FOXP2: variants seen among roughly 807,000 people sequenced by gnomAD.
FOXP2 encodes forkhead box P2.
Under a neutral mutation model 115.8 loss-of-function variants are expected in FOXP2, and 12 were observed. That is an observed-to-expected ratio of 0.10 (90% confidence interval 0.07 to 0.17). The LOEUF (loss-of-function observed/expected upper bound fraction) is 0.17. Among genes scored for constraint, FOXP2 ranks in the 10% least tolerant of loss-of-function variants. The probability of loss-of-function intolerance (pLI) is 1.00; values close to 1 mark genes in which losing one functional copy is unlikely to be tolerated. For synonymous variants in FOXP2, 328 were observed against 297.7 expected, an observed-to-expected ratio of 1.10 and a Z score of -1.05; for missense variants, 629 against 843.5, an observed-to-expected ratio of 0.75 and a Z score of 3.15.
Position 114,249,375 on chromosome 7 carries a change from C to T in FOXP2, c.-101-38644C>T, listed in dbSNP as rs1795375065. Among the ~76,000 whole-genome samples, 7 of 152,190 alleles carry T rather than the reference C, an allele frequency of 4.6e-5. No homozygotes were observed. The South Asian group carries it at 1.5e-3, about 32-fold the overall frequency. On this transcript the variant is annotated intron_variant, in intron 1 of 17. Transcript: ENST00000634411. ...TGATGCTCTCCTTCCCCCCCGTTCC[C>T]CCCAGTAGGCCCCAATGTGTGTTGT...
At chr7:114,434,100 C>A (rs1394983670) in intron 2 of FOXP2, among the ~76,000 whole-genome samples, 2 of 151,858 alleles carry the variant, frequency 1.3e-5, no homozygotes, top group Non-Finnish European at 2.9e-5. Flanking sequence ...TTATCATATT[C>A]AGGCAGTTGT....
chr7:114,557,723 T>C (rs925711186), intron 3 of FOXP2, among the ~76,000 whole-genome samples: 3 of 152,162 alleles, frequency 2.0e-5, no homozygotes, highest in African/African-American at 7.2e-5. Context: ...AGATAAGTTA[T>C]ATTGTAGTAC....
At position 114,663,501 on chromosome 7, in the gene FOXP2, T is replaced by C; in HGVS notation, c.1821T>C (p.Ala607=). 2.5e-6 allele frequency: 4 copies of C among 1,612,382 alleles called. No homozygotes were observed. Among genetic ancestry groups the C allele is most frequent in the Non-Finnish European group, 3.4e-6 (4 of 1,179,082 alleles). Residue 607 remains alanine, a synonymous_variant, in exon 15 of 17, where the codon GCT becomes GCC. Transcript: ENST00000350908. ...CTACCAGTTTAGGCTATGGAGCAGC[T>C]CTTAATGCCAGTTTGCAGGTAATGT... ...NIPTSLGYGA[A]LNASLQAALA... is the part of the protein sequence containing the mutation.
intron 3 of FOXP2, among the ~76,000 whole-genome samples, chr7:114,602,761 T>A (rs546942905): frequency 1.8e-4 from 28 of 152,216 alleles, no homozygotes; most frequent in African/African-American, 6.0e-4. Flanking sequence ...GAAAGAAAAA[T>A]ACTTATTTGC....
chr7:114,147,095 C>T (rs904261500), intron 1 of FOXP2, among the ~76,000 whole-genome samples: 2 of 152,082 alleles, frequency 1.3e-5, no homozygotes, highest in African/African-American at 4.8e-5. Context: ...TGGAATAAGA[C>T]TTGGTATGTG....
At chr7:114,556,977 T>A (rs1800495596) in intron 3 of FOXP2, among the ~76,000 whole-genome samples, 1 of 152,222 alleles carries the variant, frequency 6.6e-6, no homozygotes, top group African/African-American at 2.4e-5. Context: ...TACTATGCTG[T>A]TTTATTCTGC....
chr7:114,339,623 C>A (rs776436102), intron 2 of FOXP2, among the ~76,000 whole-genome samples: 1 of 150,952 alleles, frequency 6.6e-6, no homozygotes, highest in Non-Finnish European at 1.5e-5. Flanking sequence ...GATAATCAAC[C>A]TGAGAGAGGT....
intron 3 of FOXP2, among the ~76,000 whole-genome samples, chr7:114,618,763 A>C (rs1804082634): frequency 6.6e-6 from 1 of 152,142 alleles, no homozygotes; most frequent in African/African-American, 2.4e-5. Flanking sequence ...TAATGTTTTT[A>C]GATATTAAGT....
At chr7:114,092,176 T>A (rs1799555650) in intron 1 of FOXP2, among the ~76,000 whole-genome samples, 1 of 152,134 alleles carries the variant, frequency 6.6e-6, no homozygotes, top group Non-Finnish European at 1.5e-5. Flanking sequence ...CAATTTGCTT[T>A]AATTTCTGTC....
At chr7:114,622,298 A>G (rs1402652623) in intron 3 of FOXP2, among the ~76,000 whole-genome samples, 2 of 151,982 alleles carry the variant, frequency 1.3e-5, no homozygotes, top group African/African-American at 4.8e-5. Flanking sequence ...ACACTTGTCA[A>G]TCAGTGAGTT....
intron 3 of FOXP2, among the ~76,000 whole-genome samples, chr7:114,537,262 A>T (rs907966140): frequency 3.3e-5 from 5 of 151,550 alleles, no homozygotes; most frequent in Non-Finnish European, 5.9e-5. Context: ...TACATTTCAA[A>T]AGGATAATTG....
chr7:114,631,844 G>A, intron 6 of FOXP2, 139 bp downstream of exon 6: 1 of 844,914 alleles, frequency 1.2e-6, no homozygotes, highest in Non-Finnish European at 1.9e-6. Flanking sequence ...TTAACATGGT[G>A]GCATGACCTA....
intron 1 of FOXP2, among the ~76,000 whole-genome samples, chr7:114,145,110 C>G (rs947936161): frequency 6.6e-6 from 1 of 152,122 alleles, no homozygotes; most frequent in Non-Finnish European, 1.5e-5. Flanking sequence ...ATTCTACCAC[C>G]TATTCTCCAT....
intron 2 of FOXP2, among the ~76,000 whole-genome samples, chr7:114,455,804 T>G (rs1019912222): frequency 1.4e-4 from 22 of 152,198 alleles, no homozygotes; most frequent in Admixed American, 1.4e-3. Flanking sequence ...AGTTTCTCAT[T>G]GTTTAGTATA....
intron 1 of FOXP2, among the ~76,000 whole-genome samples, chr7:114,232,598 G>A (rs1416153185): frequency 6.6e-6 from 1 of 152,092 alleles, no homozygotes; most frequent in African/African-American, 2.4e-5. Flanking sequence ...CGGATCACCT[G>A]AGGTCAGGAG....
chr7:114,468,024 A>G (rs1584772535), intron 2 of FOXP2, among the ~76,000 whole-genome samples: 2 of 152,142 alleles, frequency 1.3e-5, no homozygotes, highest in Admixed American at 6.6e-5. Flanking sequence ...CTTCAGCTAC[A>G]ATGTATACAT....
intron 2 of FOXP2, among the ~76,000 whole-genome samples, chr7:114,294,704 G>GA (rs1796693506): frequency 6.6e-6 from 1 of 151,960 alleles, no homozygotes; most frequent in African/African-American, 2.4e-5. Flanking sequence ...AGCTGGGCAT[G>GA]ATGGTGGACG....
intron 2 of FOXP2, among the ~76,000 whole-genome samples, chr7:114,386,921 C>G (rs141383398): frequency 6.6e-6 from 1 of 152,226 alleles, no homozygotes; most frequent in African/African-American, 2.4e-5. Flanking sequence ...CACTTAATAT[C>G]CCCCATCTGT....
At chr7:114,560,184 C>A (rs1198020974) in intron 3 of FOXP2, among the ~76,000 whole-genome samples, 1 of 152,094 alleles carries the variant, frequency 6.6e-6, no homozygotes, top group East Asian at 1.9e-4. Flanking sequence ...ATAAACTGTG[C>A]TGTGTTGCTA....
Sources: allele counts gnomAD v4.1 joint callset (sites outside exome capture counted in the v4.1 genomes callset), GRCh38; gene constraint gnomAD v4.1.1; transcripts MANE v1.5; gene names NCBI Gene and HGNC (gene_info 2026-07-23, HGNC 2026-07-21).